TOX: variants seen among roughly 807,000 people sequenced by gnomAD.
The protein encoded by TOX is thymocyte selection associated high mobility group box.
In TOX, 11 loss-of-function variants were observed where a neutral mutation model predicts 53.7. The observed-to-expected ratio is 0.20, with a 90% confidence interval of 0.13 to 0.34. The LOEUF (loss-of-function observed/expected upper bound fraction) is 0.34. Ranked by LOEUF, TOX falls within the 10% of genes least tolerant of loss-of-function variation. The pLI, the probability that TOX is intolerant of heterozygous loss-of-function variation, is 1.00. For missense variants in TOX, 570 were observed against 664.6 expected, an observed-to-expected ratio of 0.86 and a Z score of 1.56; for synonymous variants, 225 against 245.3, an observed-to-expected ratio of 0.92 and a Z score of 0.77.
intron 1 of TOX, among the ~76,000 whole-genome samples, chr8:59,109,230 T>G (rs545323322): frequency 1.3e-5 from 2 of 152,234 alleles, no homozygotes; most frequent in Admixed American, 6.5e-5. Flanking sequence ...CCTACTTAAT[T>G]ATAAAGGAGC....
At chr8:59,095,316 G>A (rs1354441795) in intron 1 of TOX, among the ~76,000 whole-genome samples, 3 of 151,946 alleles carry the variant, frequency 2.0e-5, no homozygotes, top group African/African-American at 4.8e-5. Flanking sequence ...TTTACGACTA[G>A]GACTTCTAAC....
At chr8:58,821,944 C>T (rs1399544569) in intron 6 of TOX, among the ~76,000 whole-genome samples, 1 of 152,098 alleles carries the variant, frequency 6.6e-6, no homozygotes, top group African/African-American at 2.4e-5. Flanking sequence ...CTACAGACTC[C>T]TCAGTCTGAG....
At chr8:58,906,938 A>G (rs1163237676) in intron 3 of TOX, among the ~76,000 whole-genome samples, 5 of 152,162 alleles carry the variant, frequency 3.3e-5, no homozygotes, top group African/African-American at 9.7e-5. Context: ...ACTGTTTCTG[A>G]TTGTCTTGGA....
At chr8:58,943,871 CT>C (rs1390336904) in intron 2 of TOX, among the ~76,000 whole-genome samples, 1 of 152,178 alleles carries the variant, frequency 6.6e-6, no homozygotes, top group East Asian at 1.9e-4. Context: ...CAATGACCAT[CT>C]TACACAAATG....
chr8:59,059,083 G>C (rs893083452), intron 1 of TOX, among the ~76,000 whole-genome samples: 1 of 152,110 alleles, frequency 6.6e-6, no homozygotes, highest in Non-Finnish European at 1.5e-5. Flanking sequence ...GAGGTATACC[G>C]GCAGCTTTTC....
chr8:58,874,219 T>C (rs374629077), intron 3 of TOX, among the ~76,000 whole-genome samples: 1 of 151,530 alleles, frequency 6.6e-6, no homozygotes, highest in African/African-American at 2.4e-5. Flanking sequence ...CCCCTGCCCT[T>C]TGGTAGATTT....
At chr8:59,024,336 C>CT (rs1301140525) in intron 1 of TOX, among the ~76,000 whole-genome samples, 3 of 152,278 alleles carry the variant, frequency 2.0e-5, no homozygotes, top group East Asian at 3.9e-4. Flanking sequence ...GTAATCAACG[C>CT]TTTACTAAAA....
At chr8:58,863,288 T>G (rs1229245538) in intron 3 of TOX, among the ~76,000 whole-genome samples, 1 of 152,194 alleles carries the variant, frequency 6.6e-6, no homozygotes, top group African/African-American at 2.4e-5. Flanking sequence ...CATATCAGTT[T>G]CCTCAAATGC....
In TOX at chr8:58,846,001, G is replaced by A. The variant is rs538330512; in HGVS notation, c.693+5523C>T. 3.9e-5 allele frequency among the ~76,000 whole-genome samples: 6 copies of A among 152,126 alleles called. No individual in the cohort carries two copies. In the East Asian group the frequency reaches 7.7e-4, roughly 20 times the overall value. ...AGGCAAGCTGTTGAGGTGGGGACCC[G>A]CTGAATAAAATGCTAGGCGGCTATG... On this transcript the variant is annotated intron_variant, in intron 4 of 8. Transcript: ENST00000361421.
intron 1 of TOX, among the ~76,000 whole-genome samples, chr8:59,116,600 C>T (rs1805102888): frequency 6.6e-6 from 1 of 152,136 alleles, no homozygotes; most frequent in African/African-American, 2.4e-5. Context: ...TTAATATAAT[C>T]GGGACCAGTG....
chr8:58,807,882 G>A, intron 8 of TOX, 99 bp from the exon 9 acceptor site: 4 of 1,502,870 alleles, frequency 2.7e-6, no homozygotes, highest in Non-Finnish European at 3.7e-6. Context: ...GCTCCAGCTT[G>A]AGCTGTTCAC....
chr8:59,029,633 A>C (rs1176946337), intron 1 of TOX, among the ~76,000 whole-genome samples: 2 of 152,176 alleles, frequency 1.3e-5, no homozygotes, highest in Non-Finnish European at 2.9e-5. Context: ...CCCAAAAAGG[A>C]TTAACATTTT....
At chr8:58,959,898 T>G (rs1440140793) in intron 2 of TOX, 45 bp downstream of exon 2, 1 of 1,601,696 alleles carries the variant, frequency 6.2e-7, no homozygotes, top group Non-Finnish European at 8.6e-7. Flanking sequence ...TTTGAATTTG[T>G]TTAATTACAA....
intron 4 of TOX, among the ~76,000 whole-genome samples, chr8:58,850,055 T>C (rs1296797292): frequency 6.6e-6 from 1 of 152,206 alleles, no homozygotes; most frequent in Non-Finnish European, 1.5e-5. Flanking sequence ...CAATTATTTA[T>C]GAATATCAAT....
chr8:58,857,642 T>C (rs1376514132), intron 3 of TOX, among the ~76,000 whole-genome samples: 1 of 152,168 alleles, frequency 6.6e-6, no homozygotes, highest in Non-Finnish European at 1.5e-5. Context: ...CATGTTCCTT[T>C]CTCCCCTTGT....
At chr8:59,077,282 A>G (rs760695708) in intron 1 of TOX, among the ~76,000 whole-genome samples, 3 of 152,200 alleles carry the variant, frequency 2.0e-5, no homozygotes. Flanking sequence ...ACTACTTCCT[A>G]ACCCTGTTTC....
intron 1 of TOX, among the ~76,000 whole-genome samples, chr8:59,107,830 C>T (rs1804941218): frequency 6.6e-6 from 1 of 152,166 alleles, no homozygotes; most frequent in African/African-American, 2.4e-5. Flanking sequence ...TTAGATAAAA[C>T]AGCTTAGGTT....
At chr8:58,953,152 T>G (rs1017744100) in intron 2 of TOX, among the ~76,000 whole-genome samples, 1 of 152,064 alleles carries the variant, frequency 6.6e-6, no homozygotes, top group Non-Finnish European at 1.5e-5. Flanking sequence ...AAAGGCTGGA[T>G]GGGTCAAGAA....
chr8:58,810,603 G>A (rs1810061490), intron 7 of TOX, among the ~76,000 whole-genome samples: 1 of 151,150 alleles, frequency 6.6e-6, no homozygotes, highest in African/African-American at 2.4e-5. Flanking sequence ...TCCTCCCACC[G>A]TGGCCTCCCA....
Sources: gnomAD v4.1 joint callset for allele counts (sites outside exome capture counted in the v4.1 genomes callset) on GRCh38, gnomAD v4.1.1 for gene constraint, MANE v1.5 for transcripts, NCBI Gene and HGNC (gene_info 2026-07-23, HGNC 2026-07-21) for gene names.